The following ZFHX3 variants were observed in gnomAD, a reference collection of about 807,000 sequenced individuals.
ZFHX3 encodes zinc finger homeobox protein 3.
ZFHX3 carries 42 observed loss-of-function variants against 279.1 expected under a neutral mutation model. That is an observed-to-expected ratio of 0.15 (90% CI 0.12 to 0.19). ZFHX3 has a LOEUF of 0.19. Among genes scored for constraint, ZFHX3 ranks in the 10% least tolerant of loss-of-function variants. The pLI, the probability that ZFHX3 is intolerant of heterozygous loss-of-function variation, is 1.00. For synonymous variants in ZFHX3, 2,293 were observed against 1,957.8 expected (o/e 1.17, Z -4.52); for missense variants, 4,981 against 4,754.0 (o/e 1.05, Z -1.40).
chr16:73,248,092 G>T (rs142046274), intron 5 of ZFHX3, among the ~76,000 whole-genome samples: 1 of 151,726 alleles, frequency 6.6e-6, no homozygotes, highest in Non-Finnish European at 1.5e-5. Flanking sequence ...ATGTGTGTGT[G>T]TATATGTGCC....
At chr16:72,984,308 A>G (rs1008467233) in intron 1 of ZFHX3, among the ~76,000 whole-genome samples, 1 of 152,146 alleles carries the variant, frequency 6.6e-6, no homozygotes, top group Non-Finnish European at 1.5e-5. Context: ...TGACTCCATG[A>G]AACTTGTGTT....
intron 2 of ZFHX3, among the ~76,000 whole-genome samples, chr16:73,493,081 C>G (rs2019081091): frequency 6.6e-6 from 1 of 151,762 alleles, no homozygotes; most frequent in Non-Finnish European, 1.5e-5. Flanking sequence ...TAATACAATC[C>G]TTTCTGAAGT....
intron 3 of ZFHX3, among the ~76,000 whole-genome samples, chr16:72,897,184 G>A (rs2038920423): frequency 6.6e-6 from 1 of 152,216 alleles, no homozygotes; most frequent in African/African-American, 2.4e-5. Flanking sequence ...CATGATGGAA[G>A]AAGCTGCCCG....
chr16:73,512,491 T>C lies in ZFHX3; in HGVS notation c.-1546-56233A>G, dbSNP rs939416544. Among the ~76,000 whole-genome samples, 11 of 143,404 alleles carry C rather than the reference T, an allele frequency of 7.7e-5. No individual in the cohort carries two copies. The East Asian group carries it at 2.1e-3, about 28-fold the overall frequency. 94.1% of individuals were successfully genotyped at this position (143,404 alleles called of 152,430 possible). On this transcript the variant is annotated intron_variant, in intron 2 of 17. Coordinates refer to the ZFHX3 transcript ENST00000641206. ...AGAATGGATCTATACAGAAGTCTTCTGTGGAAAAAAAAAAAGAAAAAAGGT... is the reference window on the plus strand; with the variant it reads ...AGAATGGATCTATACAGAAGTCTTCCGTGGAAAAAAAAAAAGAAAAAAGGT...
chr16:73,578,253 G>T (rs912581312), intron 2 of ZFHX3, among the ~76,000 whole-genome samples: 7 of 151,998 alleles, frequency 4.6e-5, no homozygotes, highest in Admixed American at 3.9e-4. Flanking sequence ...GTATTAACTG[G>T]TTATTTGGAT....
intron 2 of ZFHX3, among the ~76,000 whole-genome samples, chr16:73,656,641 G>A (rs982861168): frequency 1.3e-5 from 2 of 152,102 alleles, no homozygotes; most frequent in East Asian, 3.9e-4. Context: ...CTGGTTGTAT[G>A]CTAAATTTTT....
intron 2 of ZFHX3, among the ~76,000 whole-genome samples, chr16:73,482,724 G>T (rs1422938675): frequency 6.6e-6 from 1 of 152,108 alleles, no homozygotes; most frequent in Admixed American, 6.5e-5. Context: ...AAGAGAGAGA[G>T]GTATCGCCTT....
intron 4 of ZFHX3, among the ~76,000 whole-genome samples, chr16:73,265,113 A>G (rs1324739990): frequency 2.9e-5 from 3 of 103,322 alleles, no homozygotes; most frequent in Admixed American, 9.5e-5. Context: ...GTGTGTGTAT[A>G]TAACAGTTTA....
At chr16:73,822,561 C>T (rs956632346) in intron 1 of ZFHX3, among the ~76,000 whole-genome samples, 7 of 151,748 alleles carry the variant, frequency 4.6e-5, no homozygotes, top group African/African-American at 1.2e-4. Context: ...TAATGCTTTA[C>T]TCTTAGTTGC....
At chr16:73,074,453 G>A (rs1965861922) in intron 8 of ZFHX3, among the ~76,000 whole-genome samples, 1 of 152,198 alleles carries the variant, frequency 6.6e-6, no homozygotes, top group South Asian at 2.1e-4. Flanking sequence ...TCATGTTACG[G>A]ATGACCCGCT....
chr16:72,854,958 G>A (rs2037719486), intron 4 of ZFHX3, among the ~76,000 whole-genome samples: 1 of 149,320 alleles, frequency 6.7e-6, no homozygotes, highest in African/African-American at 2.5e-5. Flanking sequence ...GTGTCAAATG[G>A]AAAAAACATT....
intron 3 of ZFHX3, among the ~76,000 whole-genome samples, chr16:73,337,889 T>TGGCG (rs369512115): frequency 1.3e-4 from 4 of 30,752 alleles, no homozygotes; most frequent in South Asian, 1.3e-3. Context: ...CATCTTCCCT[T>TGGCG]GGCGGGGGGG....
At chr16:73,873,746 T>C (rs1011928304) in intron 1 of ZFHX3, among the ~76,000 whole-genome samples, 10 of 152,266 alleles carry the variant, frequency 6.6e-5, no homozygotes, top group African/African-American at 2.4e-4. Context: ...TAATGTTGAT[T>C]TTTACTCTCT....
intron 3 of ZFHX3, among the ~76,000 whole-genome samples, chr16:73,448,697 T>A (rs929868455): frequency 2.1e-4 from 32 of 151,148 alleles, no homozygotes; most frequent in African/African-American, 7.8e-4. Flanking sequence ...TGTGTGTGTG[T>A]GTGTGTGTGT....
chr16:73,629,561 C>T (rs1017781816), intron 2 of ZFHX3, among the ~76,000 whole-genome samples: 2 of 151,238 alleles, frequency 1.3e-5, no homozygotes, highest in Non-Finnish European at 1.5e-5. Flanking sequence ...GAGCTAGTCA[C>T]AGGAGGGAAT....
chr16:72,818,403 T>G (rs2036676615), intron 5 of ZFHX3, among the ~76,000 whole-genome samples: 1 of 152,236 alleles, frequency 6.6e-6, no homozygotes, highest in South Asian at 2.1e-4. Context: ...GCTTTCTTAC[T>G]TGAATCTCCT....
At chr16:73,792,210 A>T (rs991745942) in intron 1 of ZFHX3, among the ~76,000 whole-genome samples, 1 of 152,220 alleles carries the variant, frequency 6.6e-6, no homozygotes, top group Non-Finnish European at 1.5e-5. Flanking sequence ...CAGTATAAAG[A>T]TCTATTTTAT....
chr16:73,197,932 T>G (rs1597215478), intron 5 of ZFHX3, among the ~76,000 whole-genome samples: 1 of 127,426 alleles, frequency 7.8e-6, no homozygotes, highest in Non-Finnish European at 1.7e-5. Flanking sequence ...TGGTTTTTTT[T>G]TTTTTTTTTT....
intron 5 of ZFHX3, among the ~76,000 whole-genome samples, chr16:73,238,283 G>A (rs9933006): frequency 0.17 from 26,205 of 151,900 alleles, 3,725 homozygotes; most frequent in East Asian, 0.45. Context: ...TCATCTATAG[G>A]CTGATCATCA....
Sources: allele counts gnomAD v4.1 joint callset (sites outside exome capture counted in the v4.1 genomes callset), GRCh38; gene constraint gnomAD v4.1.1; transcripts MANE v1.5; gene names NCBI Gene and HGNC (gene_info 2026-07-23, HGNC 2026-07-21).